The following CNDP1 variants were observed in gnomAD, a reference collection of about 807,000 sequenced individuals.
The protein encoded by CNDP1 is carnosine dipeptidase 1, also known as beta-Ala-His dipeptidase.
Under a neutral mutation model 58.1 loss-of-function variants are expected in CNDP1, and 44 were observed. The ratio of observed to expected loss-of-function variants is 0.76; its 90% CI spans 0.60 to 0.97. The LOEUF (loss-of-function observed/expected upper bound fraction) is 0.97. Among genes scored for constraint, CNDP1 ranks in the 50% least tolerant of loss-of-function variants. The pLI is 0.00. For missense variants in CNDP1, 616 were observed against 655.1 expected, an observed-to-expected ratio of 0.94 and a Z score of 0.65; for synonymous variants, 254 against 252.6, an observed-to-expected ratio of 1.01 and a Z score of -0.05.
chr18:74,573,441 T>C (rs62097573), intron 7 of CNDP1, among the ~76,000 whole-genome samples: 1 of 45,400 alleles, frequency 2.2e-5, no homozygotes, highest in Non-Finnish European at 4.0e-5. Context: ...ACTATCTATC[T>C]ATGTATCTAT....
intron 4 of CNDP1, 35 bp from the exon 5 acceptor site, chr18:74,562,012 A>C (rs1051231478): frequency 1.9e-6 from 3 of 1,581,262 alleles, no homozygotes; most frequent in Non-Finnish European, 1.7e-6. Flanking sequence ...AGAGGTGTCC[A>C]CACTTCTCTG....
chr18:74,582,427 C>T (rs1348857918), intron 10 of CNDP1, among the ~76,000 whole-genome samples: 1 of 152,172 alleles, frequency 6.6e-6, no homozygotes, highest in African/African-American at 2.4e-5. Flanking sequence ...CTATTTTGTG[C>T]AATACTTTGA....
In CNDP1 at chr18:74,576,970, C is replaced by T; in HGVS notation, c.943C>T (p.Leu315=). 1 of 1,613,596 alleles carries T rather than the reference C, an allele frequency of 6.2e-7. No individual in the cohort carries two copies. Among genetic ancestry groups the T allele is most frequent in the Non-Finnish European group, 8.5e-7 (1 of 1,179,746 alleles). The stretch of plus-strand genomic sequence containing the variant: ...AATAAATACATACAAAGCCATCCAT[C>T]TAGACCTAGAAGAATACCGGAATAG... ...EEINTYKAIH[L]DLEEYRNSSR... Residue 315 remains leucine (L), a synonymous_variant, in exon 8 of 12, where the codon CTA becomes TTA. Transcript: ENST00000358821.
At chr18:74,552,804 A>G (rs190680289) in intron 1 of CNDP1, among the ~76,000 whole-genome samples, 4 of 152,320 alleles carry the variant, frequency 2.6e-5, no homozygotes, top group Admixed American at 2.0e-4. Context: ...ACTCAGGAAT[A>G]GAATTGCTGG....
At chr18:74,563,352 C>T (rs906589348) in intron 5 of CNDP1, among the ~76,000 whole-genome samples, 5 of 152,316 alleles carry the variant, frequency 3.3e-5, no homozygotes, top group African/African-American at 1.2e-4. Flanking sequence ...GTCTCCCTCT[C>T]TCCTTTCTTT....
chr18:74,571,404 C>A (rs1981476712), intron 7 of CNDP1, 134 bp downstream of exon 7: 2 of 621,708 alleles, frequency 3.2e-6, no homozygotes, highest in Non-Finnish European at 5.9e-6. Flanking sequence ...TTTTCCTCCC[C>A]TTGGCAAACT....
intron 1 of CNDP1, among the ~76,000 whole-genome samples, chr18:74,550,308 T>A (rs968043276): frequency 1.3e-5 from 2 of 152,230 alleles, no homozygotes; most frequent in African/African-American, 4.8e-5. Context: ...GGAGATTATT[T>A]TGGAGCTTTA....
chr18:74,561,288 C>T (rs184821391), intron 4 of CNDP1: 27 of 298,870 alleles, frequency 9.0e-5, no homozygotes, highest in Middle Eastern at 1.1e-3. Flanking sequence ...TGGTCGTGGG[C>T]GCCTGTAATC....
chr18:74,559,204 C>G, intron 2 of CNDP1, 119 bp from the exon 3 acceptor site: 1 of 919,408 alleles, frequency 1.1e-6, no homozygotes, highest in Non-Finnish European at 1.8e-6. Context: ...CATAGGTCCT[C>G]AGGTCCTTGA....
At chr18:74,539,234 G>C (rs895200630) in intron 1 of CNDP1, among the ~76,000 whole-genome samples, 1 of 147,056 alleles carries the variant, frequency 6.8e-6, no homozygotes, top group Non-Finnish European at 1.5e-5. Context: ...ATCTACACCT[G>C]TTTGTTCCCA....
At chr18:74,572,265 T>A (rs1981497935) in intron 7 of CNDP1, among the ~76,000 whole-genome samples, 1 of 152,100 alleles carries the variant, frequency 6.6e-6, no homozygotes, top group Non-Finnish European at 1.5e-5. Flanking sequence ...CACCTACAGC[T>A]CTTCTAGGCA....
At chr18:74,569,823 G>A (rs1479913768) in intron 6 of CNDP1, among the ~76,000 whole-genome samples, 1 of 152,002 alleles carries the variant, frequency 6.6e-6, no homozygotes, top group Non-Finnish European at 1.5e-5. Context: ...CATACATTGT[G>A]GTATACCTAG....
chr18:74,557,327 T>C (rs2084123434), intron 2 of CNDP1, among the ~76,000 whole-genome samples: 3 of 152,332 alleles, frequency 2.0e-5, no homozygotes, highest in Admixed American at 2.0e-4. Flanking sequence ...GTTCAAGTGA[T>C]CCTTCTGCCT....
rs10663835 is a variant in CNDP1 at position 74,556,356 on chromosome 18, GTGCTGC to G, written c.55_60del (p.Leu19_Leu20del). On this transcript the variant is annotated inframe_deletion, in exon 2 of 12. Coordinates refer to ENST00000358821, the MANE Select transcript of CNDP1 (RefSeq NM_032649.6). ...CTTCCAGGCTGCGTCCCTGCTGGCT[GTGCTGC>G]TGCTGCTGCTGGAGCGCGGCATGTT... The G allele has an allele frequency of 5.7e-6, 9 of 1,574,172 alleles. No homozygotes were observed. Among genetic ancestry groups the G allele is most frequent in the African/African-American group, 5.4e-5 (4 of 74,060 alleles).
chr18:74,568,748 G>A (rs1426596081), intron 6 of CNDP1, among the ~76,000 whole-genome samples: 1 of 152,160 alleles, frequency 6.6e-6, no homozygotes, highest in Non-Finnish European at 1.5e-5. Flanking sequence ...ATGGCTTGAA[G>A]TGGTCACTTT....
At chr18:74,569,314 G>A (rs570002009) in intron 6 of CNDP1, among the ~76,000 whole-genome samples, 4 of 152,306 alleles carry the variant, frequency 2.6e-5, no homozygotes, top group African/African-American at 7.2e-5. Context: ...AAGGATGGGA[G>A]GGAATGAACT....
chr18:74,583,484 G>C, intron 10 of CNDP1, 77 bp from the exon 11 acceptor site: 1 of 1,153,718 alleles, frequency 8.7e-7, no homozygotes, highest in Non-Finnish European at 1.3e-6. Flanking sequence ...GAAGGTAAAG[G>C]AGGCACTGAC....
chr18:74,563,390 T>C (rs899168488), intron 5 of CNDP1, among the ~76,000 whole-genome samples: 9 of 152,184 alleles, frequency 5.9e-5, no homozygotes, highest in Admixed American at 5.9e-4. Flanking sequence ...TCTTTCTTCC[T>C]CTATCTCTCC....
At chr18:74,568,477 CA>C (rs1441615081) in intron 6 of CNDP1, among the ~76,000 whole-genome samples, 1 of 152,036 alleles carries the variant, frequency 6.6e-6, no homozygotes, top group Non-Finnish European at 1.5e-5. Context: ...AAGTGGGAGA[CA>C]GCTGGGATGA....
Sources: allele counts gnomAD v4.1 joint callset (sites outside exome capture counted in the v4.1 genomes callset), GRCh38; gene constraint gnomAD v4.1.1; transcripts MANE v1.5; gene names NCBI Gene and HGNC (gene_info 2026-07-23, HGNC 2026-07-21).